The following SLC24A1 variants were observed in gnomAD, a reference collection of about 807,000 sequenced individuals.
SLC24A1 encodes the protein sodium/potassium/calcium exchanger 1.
SLC24A1 carries 52 observed loss-of-function variants against 88.1 expected under a neutral mutation model. The ratio of observed to expected loss-of-function variants is 0.59; its 90% confidence interval spans 0.47 to 0.74. SLC24A1 has a LOEUF of 0.74. Ranked by LOEUF, SLC24A1 falls within the 30% of genes least tolerant of loss-of-function variation. The pLI, the probability that SLC24A1 is intolerant of heterozygous loss-of-function variation, is 0.00. For missense variants in SLC24A1, 1,173 were observed against 1,363.3 expected (o/e 0.86, Z 2.20); for synonymous variants, 455 against 498.0 (o/e 0.91, Z 1.15).
upstream of SLC24A1, among the ~76,000 whole-genome samples, chr15:65,620,382 A>G (rs77102736): frequency 1.0e-2 from 1,519 of 152,318 alleles, 16 homozygotes; most frequent in African/African-American, 0.035. Flanking sequence ...ACCCGGCACT[A>G]TTAATATGTT....
At chr15:65,632,964 C>A (rs138059710) in intron 2 of SLC24A1, among the ~76,000 whole-genome samples, 12 of 152,248 alleles carry the variant, frequency 7.9e-5, no homozygotes, top group African/African-American at 2.9e-4. Context: ...TACACTATCA[C>A]GTGTAATGGT....
Position 65,645,711 on chromosome 15 carries a change from C to A in SLC24A1, c.2232+8C>A, listed in dbSNP as rs1167726267. ...GAGAATCCAGGCGGTCAGGTAGGCA[C>A]CCAGCCTTGGCACAGACAAAATTGG... is the stretch of plus-strand genomic sequence containing the variant. On this transcript the variant is annotated splice_region_variant and intron_variant, in intron 6 of 9. Coordinates refer to ENST00000261892, the MANE Select transcript of SLC24A1 (RefSeq NM_004727.3). 6.4e-7 allele frequency: 1 copy of A among 1,558,968 alleles called. No homozygotes were observed. The highest frequency in any genetic ancestry group is 1.9e-5 in the Admixed American group (1 of 52,346).
intron 3 of SLC24A1, among the ~76,000 whole-genome samples, chr15:65,638,651 T>C (rs1162942016): frequency 6.6e-6 from 1 of 152,192 alleles, no homozygotes; most frequent in Non-Finnish European, 1.5e-5. Context: ...TAGCTGTTTA[T>C]AGTCTATGAA....
intron 2 of SLC24A1, among the ~76,000 whole-genome samples, chr15:65,614,682 G>A (rs1022361553): frequency 6.6e-6 from 1 of 152,198 alleles, no homozygotes; most frequent in African/African-American, 2.4e-5. Context: ...ACAAAGAAAA[G>A]CTTTACACAT....
downstream of SLC24A1, chr15:65,659,309 T>C (rs1361723015): frequency 1.3e-5 from 2 of 149,086 alleles, no homozygotes; most frequent in African/African-American, 5.0e-5. Flanking sequence ...TTTTAAATGA[T>C]TGATATTTTC....
In SLC24A1 at chr15:65,654,046, A is replaced by C. The variant is rs2141738786; in HGVS notation, c.3267A>C (p.Glu1089Asp). ...TCCTGATAATCAGTGTGATGTTAGAAGATCGAATCATATCCTGTCCTGTAT... is the reference window on the plus strand; with the variant it reads ...TCCTGATAATCAGTGTGATGTTAGACGATCGAATCATATCCTGTCCTGTAT... ...FVFLIISVML[E>D]DRIISCPVSV The change falls in exon 10 of 10, where the codon GAA (glutamate) becomes GAC (aspartate). Residue 1089 changes from glutamate to aspartate, a missense_variant. Transcript: ENST00000261892. The C allele has an allele frequency of 2.5e-6, 4 of 1,613,962 alleles. No homozygotes were observed. Among genetic ancestry groups the C allele is most frequent in the Non-Finnish European group, 3.4e-6 (4 of 1,179,842 alleles).
downstream of SLC24A1, chr15:65,660,156 T>G: frequency 1.5e-6 from 1 of 646,230 alleles, no homozygotes; most frequent in Admixed American, 2.5e-5. Context: ...AGAATAATAT[T>G]GGAGTGGTAT....
intron 2 of SLC24A1, among the ~76,000 whole-genome samples, chr15:65,636,860 AAAT>A (rs59545207): frequency 0.011 from 1,564 of 143,272 alleles, 15 homozygotes; most frequent in African/African-American, 0.029. Context: ...CTCTGTCTCA[AAAT>A]AATAATAATA....
intron 2 of SLC24A1, among the ~76,000 whole-genome samples, chr15:65,634,740 C>CAAAAAAAAAAAAAAAAAAAAAAAACA (rs5813364): frequency 2.2e-5 from 2 of 90,538 alleles, no homozygotes; most frequent in Non-Finnish European, 4.5e-5. Context: ...TCAAAAGCAC[C>CAAAAAAAAAAAAAAAAAAAAAAAACA]AAAAAAAAAA....
chr15:65,621,078 G>A (rs2074303128), upstream of SLC24A1, among the ~76,000 whole-genome samples: 1 of 152,202 alleles, frequency 6.6e-6, no homozygotes, highest in African/African-American at 2.4e-5. Context: ...GGCCACTCAA[G>A]GTGAAGCAGG....
chr15:65,651,581 T>C, intron 7 of SLC24A1, 89 bp from the exon 8 acceptor site: 1 of 719,020 alleles, frequency 1.4e-6, no homozygotes, highest in Non-Finnish European at 2.5e-6. Flanking sequence ...CCATTAGACC[T>C]TGTCACTGAT....
intron 6 of SLC24A1, among the ~76,000 whole-genome samples, chr15:65,648,978 G>T (rs557922289): frequency 6.6e-6 from 1 of 152,276 alleles, no homozygotes; most frequent in Non-Finnish European, 1.5e-5. Flanking sequence ...GATAGTCAGT[G>T]GTTCCCAAAC....
chr15:65,636,909 AC>A (rs2074958497), intron 2 of SLC24A1, among the ~76,000 whole-genome samples: 1 of 150,228 alleles, frequency 6.7e-6, no homozygotes, highest in Non-Finnish European at 1.5e-5. Context: ...TCCCAAAAGC[AC>A]TGAAGGTCAC....
chr15:65,650,057 G>A lies in SLC24A1; in HGVS notation c.2233-325G>A, dbSNP rs1305318327. 6.6e-6 allele frequency among the ~76,000 whole-genome samples: 1 copy of A among 152,200 alleles called. No homozygotes were observed. Among genetic ancestry groups the A allele is most frequent in the Non-Finnish European group, 1.5e-5 (1 of 68,036 alleles). On this transcript the variant is annotated intron_variant, in intron 6 of 9. Coordinates refer to ENST00000261892, the MANE Select transcript of SLC24A1 (RefSeq NM_004727.3). This position sits in a 1 kb window ranked among gnomAD's most constrained non-coding sequence, Gnocchi z 4.1. ...CTGTCTCATGGAAGACTGATGTTTT[G>A]TAAGGCATCAAAGAGTAAACCTATA...
In SLC24A1 at chr15:65,650,451, G is replaced by C; in HGVS notation, c.2302G>C (p.Glu768Gln). Residue 768 changes from glutamate (E) to glutamine (Q), a missense_variant, in exon 7 of 10, where the codon GAA becomes CAA. Physicochemically the swap from Glu to Gln is conservative, Grantham distance 29. Transcript: ENST00000261892. This position sits in a 1 kb window ranked among gnomAD's most constrained non-coding sequence, Gnocchi z 4.1. ...GEEGETAGEG[E>Q]TEEKSGGETQ... The stretch of plus-strand genomic sequence containing the variant: ...AGAGGGCGAAACTGCTGGTGAAGGT[G>C]AAACTGAAGAGAAAAGTGGAGGTGA... The C allele has an allele frequency of 6.4e-7, 1 of 1,551,754 alleles. No individual in the cohort carries two copies.
At chr15:65,647,195 G>A (rs866781842) in intron 6 of SLC24A1, among the ~76,000 whole-genome samples, 3 of 152,078 alleles carry the variant, frequency 2.0e-5, no homozygotes, top group East Asian at 1.9e-4. Context: ...AGAGAGAATC[G>A]GGCCGGGTGT....
intron 2 of SLC24A1, among the ~76,000 whole-genome samples, chr15:65,615,836 A>C (rs1302028809): frequency 6.6e-6 from 1 of 151,418 alleles, no homozygotes; most frequent in Non-Finnish European, 1.5e-5. Flanking sequence ...CCATTGACTC[A>C]TCATTTACAT....
In SLC24A1 at chr15:65,625,877, C is replaced by T. The variant is rs1233559224; in HGVS notation, c.1797C>T (p.Thr599=). 1 of 1,613,872 alleles carries T rather than the reference C, an allele frequency of 6.2e-7. No homozygotes were observed. Among genetic ancestry groups the T allele is most frequent in the African/African-American group, 1.3e-5 (1 of 74,920 alleles). The change falls in exon 2 of 10, where the codon ACC becomes ACT. Residue 599 remains threonine, a synonymous_variant. Transcript: ENST00000261892. The part of the protein sequence containing the change: ...LLLAYAFYVF[T]MKWNKHIEVW... ...TGGCCTATGCCTTCTATGTGTTCAC[C>T]ATGAAGTGGAACAAGCATATCGAGG...
At chr15:65,657,448 T>C (rs928720497), downstream of SLC24A1, among the ~76,000 whole-genome samples, 2 of 151,808 alleles carry the variant, frequency 1.3e-5, no homozygotes, top group East Asian at 1.9e-4. Flanking sequence ...GAGACCATCC[T>C]GGCTAACACG....
Sources: gnomAD v4.1 joint callset for allele counts (sites outside exome capture counted in the v4.1 genomes callset) on GRCh38, gnomAD v4.1.1 for gene constraint, Gnocchi (gnomAD v3.1) non-coding constraint, MANE v1.5 for transcripts, NCBI Gene and HGNC (gene_info 2026-07-23, HGNC 2026-07-21) for gene names.